The following RETREG1 variants were observed in gnomAD, a reference collection of about 807,000 sequenced individuals.
RETREG1 encodes the protein family with sequence similarity 134 member B.
Under a neutral mutation model 54.8 loss-of-function variants are expected in RETREG1, and 44 were observed. That is an observed-to-expected ratio of 0.80 (90% CI 0.63 to 1.03). The LOEUF is 1.03. Ranked by LOEUF, RETREG1 falls within the 50% of genes least tolerant of loss-of-function variation. The pLI is 0.00. For synonymous variants in RETREG1, 217 were observed against 238.5 expected (o/e 0.91, Z 0.83); for missense variants, 554 against 605.1 (o/e 0.92, Z 0.89).
At chr5:16,492,730 G>A (rs1739298804) in intron 3 of RETREG1, among the ~76,000 whole-genome samples, 1 of 152,096 alleles carries the variant, frequency 6.6e-6, no homozygotes, top group African/African-American at 2.4e-5. Flanking sequence ...TTTTAATCCT[G>A]TGGATACTTA....
intron 5 of RETREG1, 34 bp downstream of exon 5, chr5:16,480,975 C>A: frequency 6.8e-7 from 1 of 1,467,048 alleles, no homozygotes; most frequent in South Asian, 1.1e-5. Flanking sequence ...CCATATGCAT[C>A]ACAACACTTA....
intron 1 of RETREG1, among the ~76,000 whole-genome samples, chr5:16,582,090 A>G (rs1245604757): frequency 1.3e-5 from 2 of 152,262 alleles, no homozygotes; most frequent in Non-Finnish European, 2.9e-5. Flanking sequence ...ATAGGTAAAC[A>G]TTATATATGA....
At chr5:16,513,483 A>G (rs1740247756) in intron 3 of RETREG1, among the ~76,000 whole-genome samples, 1 of 152,204 alleles carries the variant, frequency 6.6e-6, no homozygotes, top group African/African-American at 2.4e-5. Context: ...CAAGAACTCC[A>G]TGCCCCAATA....
chr5:16,607,833 C>T (rs925185909), intron 1 of RETREG1, among the ~76,000 whole-genome samples: 12 of 151,656 alleles, frequency 7.9e-5, no homozygotes, highest in African/African-American at 2.9e-4. Context: ...CTAGCAAGCA[C>T]ATAAATCTCC....
intron 3 of RETREG1, among the ~76,000 whole-genome samples, chr5:16,504,714 C>G (rs952488073): frequency 6.6e-6 from 1 of 152,188 alleles, no homozygotes; most frequent in African/African-American, 2.4e-5. Context: ...AATCGCAACT[C>G]CCTCACTTCA....
At chr5:16,611,755 A>G (rs769860224) in intron 1 of RETREG1, among the ~76,000 whole-genome samples, 6 of 152,234 alleles carry the variant, frequency 3.9e-5, no homozygotes, top group Non-Finnish European at 7.3e-5. Flanking sequence ...ACTGATACAC[A>G]CAGCAGAGAT....
At chr5:16,506,191 T>G (rs1739947477) in intron 3 of RETREG1, among the ~76,000 whole-genome samples, 1 of 152,204 alleles carries the variant, frequency 6.6e-6, no homozygotes. Flanking sequence ...TGGCTTCCAC[T>G]GATTTTTTTA....
intron 1 of RETREG1, among the ~76,000 whole-genome samples, chr5:16,608,636 G>T (rs1743259875): frequency 6.6e-6 from 1 of 152,158 alleles, no homozygotes; most frequent in Non-Finnish European, 1.5e-5. Flanking sequence ...CCAGTGGGTA[G>T]GCTCTCTGAG....
At position 16,478,107 on chromosome 5, in the gene RETREG1, G is replaced by A; in HGVS notation, c.809-9C>T. ...TTTTTCTTTGTCTGCTTCTGTTGAG[G>A]AAAAAATTTGGAAGCTTTCAGTTTC... On this transcript the variant is annotated splice_polypyrimidine_tract_variant and intron_variant, in intron 6 of 8. Coordinates refer to ENST00000306320, the MANE Select transcript of RETREG1 (RefSeq NM_001034850.3). 6.2e-7 allele frequency: 1 copy of A among 1,604,706 alleles called. No individual in the cohort carries two copies. The highest frequency in any genetic ancestry group is 8.5e-7 in the Non-Finnish European group (1 of 1,172,592).
chr5:16,597,025 A>G lies in RETREG1; in HGVS notation c.320+19627T>C, dbSNP rs1427837149. Reference sequence around the variant, plus strand: ...ATCAGTCAATAGTTAGACTACTGACATTTGTCAGACAACAGAAAAATGCAT... The same window carrying G: ...ATCAGTCAATAGTTAGACTACTGACGTTTGTCAGACAACAGAAAAATGCAT... On this transcript the variant is annotated intron_variant, in intron 1 of 8. Coordinates refer to ENST00000306320, the MANE Select transcript of RETREG1 (RefSeq NM_001034850.3). This position sits in a 1 kb window ranked among gnomAD's most constrained non-coding sequence, Gnocchi z 4.3. Among the ~76,000 whole-genome samples, 1 of 151,674 alleles carries G rather than the reference A, an allele frequency of 6.6e-6. No homozygotes were observed. The highest frequency in any genetic ancestry group is 2.4e-5 in the African/African-American group (1 of 41,210).
chr5:16,578,456 C>T (rs894683174), intron 1 of RETREG1, among the ~76,000 whole-genome samples: 2 of 152,194 alleles, frequency 1.3e-5, no homozygotes, highest in African/African-American at 2.4e-5. Context: ...TGTTTCTAAC[C>T]GATCTTTACA....
At chr5:16,503,665 A>G (rs1259993449) in intron 3 of RETREG1, among the ~76,000 whole-genome samples, 6 of 135,870 alleles carry the variant, frequency 4.4e-5, no homozygotes, top group Middle Eastern at 7.8e-3. Context: ...TCCATCTCAA[A>G]AAAAAAAAAA....
intron 3 of RETREG1, among the ~76,000 whole-genome samples, chr5:16,505,108 G>A (rs376797176): frequency 1.8e-4 from 27 of 152,280 alleles, no homozygotes; most frequent in African/African-American, 6.0e-4. Flanking sequence ...TCGTGCATCC[G>A]GAACACAAAT....
At chr5:16,541,774 AAGGAAGGAAGGAAGGAAGG>A (rs1352182595) in intron 3 of RETREG1, among the ~76,000 whole-genome samples, 2 of 145,728 alleles carry the variant, frequency 1.4e-5, no homozygotes, top group African/African-American at 5.4e-5. Flanking sequence ...GGAAGGAAGG[AAGGAAGGAAGGAAGGAAGG>A]AAGGAAAGGA....
chr5:16,475,381 C>A, intron 8 of RETREG1, 147 bp from the exon 9 acceptor site: 1 of 828,692 alleles, frequency 1.2e-6, no homozygotes, highest in Non-Finnish European at 2.0e-6. Flanking sequence ...ATCAATTTAA[C>A]CACATACTGA....
intron 3 of RETREG1, among the ~76,000 whole-genome samples, chr5:16,539,608 G>A (rs1007351845): frequency 2.6e-5 from 4 of 152,142 alleles, no homozygotes; most frequent in African/African-American, 9.7e-5. Flanking sequence ...TCCCATGCTT[G>A]CTCCTGCAAC....
At position 16,478,147 on chromosome 5, in the gene RETREG1, C is replaced by T. The variant is rs754441939; in HGVS notation, c.809-49G>A. The T allele has an allele frequency of 1.0e-5, 12 of 1,197,580 alleles. No individual in the cohort carries two copies. In the East Asian group the frequency reaches 1.4e-4, roughly 14 times the overall value. The allele number at this position is 1,197,580 out of a possible 1,614,324, so 74.2% of individuals were successfully genotyped here. ...CTTTCAGTTTCCTAGCCAACTCAGA[C>T]ATAGTGCATTTATTTCATTATGTAT... On this transcript the variant is annotated intron_variant, in intron 6 of 8. Transcript: ENST00000306320.
At chr5:16,501,959 CT>C (rs34047511) in intron 3 of RETREG1, among the ~76,000 whole-genome samples, 33,734 of 136,284 alleles carry the variant, frequency 0.25, 3,498 homozygotes, top group Middle Eastern at 0.35. Flanking sequence ...ATTAAGTAAG[CT>C]TTTTTTTTTT....
intron 3 of RETREG1, among the ~76,000 whole-genome samples, chr5:16,492,229 T>TCTCTCTCTCTCACA (rs1406702350): frequency 2.1e-3 from 231 of 110,632 alleles, no homozygotes; most frequent in Middle Eastern, 4.5e-3. Context: ...TCTCTCTCTC[T>TCTCTCTCTCTCACA]CACACACACA....
Sources: allele counts gnomAD v4.1 joint callset (sites outside exome capture counted in the v4.1 genomes callset), GRCh38; gene constraint gnomAD v4.1.1; non-coding constraint Gnocchi (gnomAD v3.1); transcripts MANE v1.5; gene names NCBI Gene and HGNC (gene_info 2026-07-23, HGNC 2026-07-21).